The following DYSF variants were observed in gnomAD, a reference collection of about 807,000 sequenced individuals.
DYSF encodes dysferlin.
A neutral mutation model predicts 274.9 loss-of-function variants in DYSF; 212 were observed. That is an observed-to-expected ratio of 0.77 (90% confidence interval 0.69 to 0.86). DYSF has a LOEUF of 0.86. Among genes scored for constraint, DYSF ranks in the 40% least tolerant of loss-of-function variants. The pLI is 0.00. For missense variants in DYSF, 2,666 were observed against 2,783.2 expected, an observed-to-expected ratio of 0.96 and a Z score of 0.95; for synonymous variants, 1,091 against 1,078.7, an observed-to-expected ratio of 1.01 and a Z score of -0.22.
At chr2:71,593,964 C>G (rs975888346) in intron 32 of DYSF, among the ~76,000 whole-genome samples, 2 of 152,182 alleles carry the variant, frequency 1.3e-5, no homozygotes, top group Non-Finnish European at 2.9e-5. Flanking sequence ...TATTAATTTA[C>G]AGGGGTGAGT....
chr2:71,618,340 G>T (rs1389547901), intron 40 of DYSF, among the ~76,000 whole-genome samples: 3 of 75,404 alleles, frequency 4.0e-5, no homozygotes, highest in Non-Finnish European at 3.1e-5. Context: ...GGGTGTGTGT[G>T]TGGTAGAGGG....
At chr2:71,486,473 C>G (rs1289276379) in intron 3 of DYSF, among the ~76,000 whole-genome samples, 5 of 152,154 alleles carry the variant, frequency 3.3e-5, no homozygotes, top group Non-Finnish European at 7.3e-5. Context: ...ATCCTCACCG[C>G]CACTGTCCTC....
At chr2:71,457,239 G>A (rs1252222265) in intron 1 of DYSF, among the ~76,000 whole-genome samples, 3 of 152,176 alleles carry the variant, frequency 2.0e-5, no homozygotes, top group Admixed American at 1.3e-4. Context: ...GTCCTTATAT[G>A]TAGACATATA....
chr2:71,597,792 A>G (rs1339928570), intron 32 of DYSF, among the ~76,000 whole-genome samples: 1 of 152,144 alleles, frequency 6.6e-6, no homozygotes, highest in East Asian at 1.9e-4. Flanking sequence ...CTACTGCTAA[A>G]TAGCTGCTGA....
At chr2:71,622,163 T>G (rs4852817) in intron 41 of DYSF, among the ~76,000 whole-genome samples, 4 of 136,930 alleles carry the variant, frequency 2.9e-5, no homozygotes, top group Non-Finnish European at 4.6e-5. Flanking sequence ...CCCAGGTACA[T>G]CTGTTCAGGC....
intron 53 of DYSF, among the ~76,000 whole-genome samples, chr2:71,680,039 C>T (rs975771552): frequency 2.0e-5 from 3 of 152,144 alleles, no homozygotes; most frequent in African/African-American, 7.2e-5. Flanking sequence ...TTATTCCCAT[C>T]TATACATATC....
intron 30 of DYSF, among the ~76,000 whole-genome samples, chr2:71,577,510 C>T (rs954141476): frequency 8.4e-6 from 1 of 118,702 alleles, no homozygotes; most frequent in Admixed American, 8.5e-5. Context: ...CACACAGCCC[C>T]ACTCTCATGC....
chr2:71,528,512 G>A, intron 14 of DYSF, 111 bp downstream of exon 14: 1 of 928,362 alleles, frequency 1.1e-6, no homozygotes, highest in Non-Finnish European at 1.7e-6. Flanking sequence ...AGAGGTGTGT[G>A]CACAAGGAGT....
At chr2:71,617,130 T>C (rs973785467) in intron 40 of DYSF, among the ~76,000 whole-genome samples, 3 of 152,194 alleles carry the variant, frequency 2.0e-5, no homozygotes, top group African/African-American at 7.2e-5. Flanking sequence ...CGGCTCTTGC[T>C]TAGCATTCCG....
intron 36 of DYSF, among the ~76,000 whole-genome samples, chr2:71,608,872 G>A (rs1177402413): frequency 1.3e-5 from 2 of 152,130 alleles, no homozygotes; most frequent in Non-Finnish European, 2.9e-5. Flanking sequence ...ACAAGTGTAT[G>A]AGAAAGATTG....
intron 42 of DYSF, among the ~76,000 whole-genome samples, chr2:71,654,472 T>C (rs1188435170): frequency 6.6e-6 from 1 of 152,102 alleles, no homozygotes; most frequent in African/African-American, 2.4e-5. Context: ...TCCCACACCG[T>C]ATAAGTGGTT....
At chr2:71,675,325 G>C (rs1432580469) in intron 52 of DYSF, among the ~76,000 whole-genome samples, 3 of 152,178 alleles carry the variant, frequency 2.0e-5, no homozygotes, top group Admixed American at 2.0e-4. Context: ...ATTTTACCTT[G>C]ATTAAAAAAT....
At chr2:71,456,004 T>G (rs2081046637) in intron 1 of DYSF, among the ~76,000 whole-genome samples, 1 of 152,184 alleles carries the variant, frequency 6.6e-6, no homozygotes, top group African/African-American at 2.4e-5. Flanking sequence ...GTGCAGGAAG[T>G]GCTGCTGGTG....
intron 36 of DYSF, chr2:71,611,022 C>T (rs572848211): frequency 4.9e-4 from 293 of 598,818 alleles, no homozygotes; most frequent in Non-Finnish European, 7.6e-4. Flanking sequence ...TGACCTGAAC[C>T]CTGGATGAAG....
At chr2:71,575,368 C>CAG (rs1430884159) in intron 30 of DYSF, among the ~76,000 whole-genome samples, 3 of 152,152 alleles carry the variant, frequency 2.0e-5, no homozygotes, top group Non-Finnish European at 4.4e-5. Flanking sequence ...CTGAGGACGT[C>CAG]AGAGGAGCCT....
intron 31 of DYSF, 43 bp from the exon 32 acceptor site, chr2:71,590,168 C>G: frequency 6.2e-7 from 1 of 1,606,780 alleles, no homozygotes; most frequent in Non-Finnish European, 8.5e-7. Flanking sequence ...CTTAACCACT[C>G]CAGCCACTCA....
At chr2:71,546,162 C>A (rs1458887733) in intron 17 of DYSF, among the ~76,000 whole-genome samples, 1 of 152,248 alleles carries the variant, frequency 6.6e-6, no homozygotes, top group South Asian at 2.1e-4. Flanking sequence ...CGGGCCCTTG[C>A]CTTGCTCGGG....
At position 71,515,661 on chromosome 2, in the gene DYSF, G is replaced by A. The variant is rs138466537; in HGVS notation, c.798G>A (p.Gly266=). Residue 266 remains glycine, a synonymous_variant, in exon 8 of 56, where the codon GGG becomes GGA. Coordinates refer to ENST00000410020, the MANE Select transcript of DYSF (RefSeq NM_001130987.2). ...TGATCGAGGGGCGCCAGCTGCCGGG[G>A]GTGAACATCAAGCCTGTGGTCAAGG... ...VQVIEGRQLP[G]VNIKPVVKVT... 22 of 1,613,894 alleles carry A rather than the reference G, an allele frequency of 1.4e-5. No individual in the cohort carries two copies. In the Middle Eastern group the frequency reaches 8.2e-4, roughly 60 times the overall value.
chr2:71,589,289 G>A (rs72827579), intron 30 of DYSF, among the ~76,000 whole-genome samples: 3,820 of 152,310 alleles, frequency 0.025, 71 homozygotes, highest in African/African-American at 0.037. Context: ...TTCTCCCCTG[G>A]AGAGCCCCTT....
Sources: gnomAD v4.1 joint callset for allele counts (sites outside exome capture counted in the v4.1 genomes callset) on GRCh38, gnomAD v4.1.1 for gene constraint, MANE v1.5 for transcripts, NCBI Gene and HGNC (gene_info 2026-07-23, HGNC 2026-07-21) for gene names.